Variants in LDLRAD4 observed in about 807,000 individuals in gnomAD.
LDLRAD4 encodes the protein low density lipoprotein receptor class A domain containing 4, also known as low-density lipoprotein receptor class A domain-containing protein 4.
Under a neutral mutation model 17.0 loss-of-function variants are expected in LDLRAD4, and 5 were observed. That is an observed-to-expected ratio of 0.29 (90% CI 0.15 to 0.62). LDLRAD4 has a LOEUF of 0.62. LDLRAD4 is among the 20% of genes least tolerant of loss of function. LDLRAD4 has a pLI of 0.84. For missense variants in LDLRAD4, 340 were observed against 424.7 expected (o/e 0.80, Z 1.75); for synonymous variants, 168 against 171.8 (o/e 0.98, Z 0.17).
chr18:13,612,551 C>G (rs912979406), intron 3 of LDLRAD4: 28 of 1,447,746 alleles, frequency 1.9e-5, no homozygotes, highest in Non-Finnish European at 2.5e-5. Flanking sequence ...ACACACCCCC[C>G]CCCCCTCCAC....
At chr18:13,357,470 T>C (rs1166242280) in intron 1 of LDLRAD4, among the ~76,000 whole-genome samples, 5 of 152,238 alleles carry the variant, frequency 3.3e-5, no homozygotes, top group African/African-American at 1.2e-4. Context: ...GCTCTAGAGG[T>C]TCCTTCACCC....
chr18:13,473,636 C>CATTCATATATAT (rs1555701379), intron 3 of LDLRAD4, among the ~76,000 whole-genome samples: 1 of 28,780 alleles, frequency 3.5e-5, no homozygotes, highest in African/African-American at 1.7e-4. Flanking sequence ...GATCCCATCT[C>CATTCATATATAT]ATATATATAT....
intron 2 of LDLRAD4, chr18:13,419,857 C>T (rs1294992593): frequency 6.6e-6 from 1 of 152,224 alleles, no homozygotes; most frequent in Non-Finnish European, 1.5e-5. Context: ...CATGTTCACA[C>T]ACACCTCCAC....
At chr18:13,278,715 G>GA (rs1170585654) in intron 1 of LDLRAD4, among the ~76,000 whole-genome samples, 2 of 152,080 alleles carry the variant, frequency 1.3e-5, no homozygotes, top group Non-Finnish European at 2.9e-5. Context: ...TTGCTTATGG[G>GA]AAATCCCTTT....
chr18:13,553,830 G>A (rs2033538201), intron 3 of LDLRAD4, among the ~76,000 whole-genome samples: 1 of 152,104 alleles, frequency 6.6e-6, no homozygotes, highest in African/African-American at 2.4e-5. Context: ...AATCTGGATT[G>A]GCCTTGCGAG....
intron 1 of LDLRAD4, among the ~76,000 whole-genome samples, chr18:13,307,427 A>G (rs60672333): frequency 1.3e-5 from 2 of 152,100 alleles, no homozygotes; most frequent in Non-Finnish European, 1.5e-5. Context: ...TTAAAAAAAA[A>G]TTTTTTAAGA....
intron 1 of LDLRAD4, among the ~76,000 whole-genome samples, chr18:13,299,387 C>G (rs968534198): frequency 1.1e-4 from 16 of 152,202 alleles, no homozygotes; most frequent in African/African-American, 3.9e-4. Context: ...TGCCTTACAC[C>G]TCCCCACCTT....
chr18:13,543,101 T>C (rs2094309927), intron 3 of LDLRAD4: 1 of 152,196 alleles, frequency 6.6e-6, no homozygotes, highest in South Asian at 2.1e-4. Context: ...GTAAGTTTCC[T>C]AAGGATTTCT....
intron 3 of LDLRAD4, among the ~76,000 whole-genome samples, chr18:13,618,432 C>T (rs1183740914): frequency 5.9e-5 from 9 of 152,126 alleles, no homozygotes; most frequent in Admixed American, 5.9e-4. Flanking sequence ...AAATCCTTTT[C>T]AAATGAAACA....
chr18:13,500,519 G>C (rs1488051020), intron 3 of LDLRAD4: 1 of 152,210 alleles, frequency 6.6e-6, no homozygotes, highest in Non-Finnish European at 1.5e-5. Flanking sequence ...GTTATTCCCA[G>C]CTCCTCAGAG....
chr18:13,251,649 A>G (rs1009288312), intron 1 of LDLRAD4, among the ~76,000 whole-genome samples: 3 of 152,332 alleles, frequency 2.0e-5, no homozygotes, highest in African/African-American at 7.2e-5. Context: ...ATACCTAGGG[A>G]TAAACTTTAC....
At position 13,297,196 on chromosome 18, in the gene LDLRAD4, C is replaced by T. The variant is rs191846499; in HGVS notation, c.-383+19008C>T. 7.9e-5 allele frequency among the ~76,000 whole-genome samples: 12 copies of T among 152,290 alleles called. No homozygotes were observed. The East Asian group carries it at 1.7e-3, about 22-fold the overall frequency. ...GAAGGCCTCTGTCCCCGAGGATGTT[C>T]GCTGAGCAGGGATCAGAGCTAAGCC... is the stretch of plus-strand genomic sequence containing the variant. On this transcript the variant is annotated intron_variant, in intron 1 of 5. Coordinates refer to ENST00000359446, the Ensembl canonical transcript of LDLRAD4.
chr18:13,223,048 G>C (rs1490510981), intron 1 of LDLRAD4, among the ~76,000 whole-genome samples: 1 of 152,226 alleles, frequency 6.6e-6, no homozygotes, highest in Non-Finnish European at 1.5e-5. Flanking sequence ...TGGAAGCTCA[G>C]CTGGCAGAGT....
chr18:13,584,632 C>T (rs2094910923), intron 3 of LDLRAD4, among the ~76,000 whole-genome samples: 1 of 152,170 alleles, frequency 6.6e-6, no homozygotes, highest in South Asian at 2.1e-4. Context: ...ATACTCATTT[C>T]TTGTTAACTG....
intron 4 of LDLRAD4, chr18:13,642,805 G>C (rs902292852): frequency 8.6e-7 from 1 of 1,156,850 alleles, no homozygotes; most frequent in Non-Finnish European, 1.1e-6. Context: ...CTGGCCAGGA[G>C]TTCAACTTTT....
chr18:13,346,827 T>C (rs2082720727), intron 1 of LDLRAD4, among the ~76,000 whole-genome samples: 1 of 152,226 alleles, frequency 6.6e-6, no homozygotes, highest in Non-Finnish European at 1.5e-5. Context: ...TTTACCATTA[T>C]GTAATGGCCT....
chr18:13,620,834 C>T (rs548616776), intron 3 of LDLRAD4: 1 of 480,616 alleles, frequency 2.1e-6, no homozygotes, highest in Non-Finnish European at 3.8e-6. Flanking sequence ...AGAGCGGTGA[C>T]ATTGGAGAAA....
chr18:13,504,810 A>G (rs768457882), intron 3 of LDLRAD4, among the ~76,000 whole-genome samples: 33 of 152,232 alleles, frequency 2.2e-4, no homozygotes, highest in Admixed American at 2.0e-4. Flanking sequence ...GTTGGTTGAT[A>G]ACCCTGTGCC....
intron 3 of LDLRAD4, among the ~76,000 whole-genome samples, chr18:13,619,068 G>A (rs551314178): frequency 4.6e-5 from 7 of 152,320 alleles, no homozygotes; most frequent in East Asian, 3.9e-4. Flanking sequence ...AGAGCCCACC[G>A]GGGCCACACA....
Sources: allele counts gnomAD v4.1 joint callset (sites outside exome capture counted in the v4.1 genomes callset), GRCh38; gene constraint gnomAD v4.1.1; transcripts MANE v1.5; gene names NCBI Gene and HGNC (gene_info 2026-07-23, HGNC 2026-07-21).